The following INO80 variants were observed in gnomAD, a reference collection of about 807,000 sequenced individuals.
INO80 encodes chromatin-remodeling ATPase INO80.
In INO80, 20 loss-of-function variants were observed where a neutral mutation model predicts 203.4. That is an observed-to-expected ratio of 0.10 (90% CI 0.07 to 0.14). The LOEUF (loss-of-function observed/expected upper bound fraction) is 0.14, where lower values mean the gene tolerates loss of function less well. INO80 is among the 10% of genes least tolerant of loss of function. The pLI is 1.00. For missense variants in INO80, 1,419 were observed against 1,914.4 expected, an observed-to-expected ratio of 0.74 and a Z score of 4.83; for synonymous variants, 726 against 685.2, an observed-to-expected ratio of 1.06 and a Z score of -0.93.
At chr15:41,050,201 G>A (rs970471626) in intron 19 of INO80, 99 bp from the exon 20 acceptor site, 1 of 765,860 alleles carries the variant, frequency 1.3e-6, no homozygotes, top group Admixed American at 2.5e-5. Flanking sequence ...TATTATGATT[G>A]AGAATAAACA....
intron 28 of INO80, chr15:41,004,875 T>C (rs2044014930): frequency 6.6e-6 from 1 of 152,174 alleles, no homozygotes; most frequent in Admixed American, 6.5e-5. Flanking sequence ...AACAAACTAA[T>C]AACTTTAAGT....
rs369652643 is a variant in INO80 at position 41,031,626 on chromosome 15, GAGGA to G, written c.2908-3894_2908-3891del. 8.9e-3 allele frequency among the ~76,000 whole-genome samples: 363 copies of G among 40,736 alleles called. 96 individuals are homozygous for G. The highest frequency in any genetic ancestry group is 0.029 in the African/African-American group (267 of 9,218). 26.7% of individuals were successfully genotyped at this position (40,736 alleles called of 152,430 possible). Reference sequence around the variant, plus strand: ...GGGAGGAAGGGAGGAGGGAGGAAGGGAGGAAGGGAGGAAGGGAGGAAGGGAGGGA... The same window carrying G: ...GGGAGGAAGGGAGGAGGGAGGAAGGGAGGGAGGAAGGGAGGAAGGGAGGGA... On this transcript the variant is annotated intron_variant, in intron 24 of 35. Transcript: ENST00000648947.
intron 24 of INO80, among the ~76,000 whole-genome samples, chr15:41,037,851 G>C (rs1201884841): frequency 6.6e-6 from 1 of 151,356 alleles, no homozygotes; most frequent in East Asian, 2.0e-4. Context: ...GCTGAGGCAG[G>C]AGAATCACTT....
intron 11 of INO80, among the ~76,000 whole-genome samples, chr15:41,072,961 A>G (rs2140600645): frequency 6.6e-6 from 1 of 151,918 alleles, no homozygotes; most frequent in East Asian, 1.9e-4. Context: ...TTTGTATTTT[A>G]GTAGAGATGG....
At chr15:41,015,329 A>C (rs927260600) in intron 27 of INO80, among the ~76,000 whole-genome samples, 10 of 152,228 alleles carry the variant, frequency 6.6e-5, no homozygotes, top group African/African-American at 2.4e-4. Context: ...AAATAGGACT[A>C]GAAATCCATA....
chr15:41,067,005 T>C (rs544977197), intron 14 of INO80, among the ~76,000 whole-genome samples: 3 of 152,284 alleles, frequency 2.0e-5, no homozygotes, highest in African/African-American at 7.2e-5. Context: ...TAATATCACA[T>C]TGCCATCTAT....
chr15:41,044,835 A>G, intron 24 of INO80, 69 bp downstream of exon 24: 2 of 1,458,116 alleles, frequency 1.4e-6, no homozygotes, highest in East Asian at 2.3e-5. Context: ...CTTTACTATT[A>G]TTTTTACTTA....
intron 19 of INO80, among the ~76,000 whole-genome samples, chr15:41,051,776 G>T (rs1315667362): frequency 1.3e-5 from 2 of 152,104 alleles, no homozygotes; most frequent in Non-Finnish European, 2.9e-5. Flanking sequence ...AACCAACATG[G>T]TGAAACCTCA....
At chr15:40,989,566 A>T (rs1342983104) in intron 29 of INO80, among the ~76,000 whole-genome samples, 1 of 152,156 alleles carries the variant, frequency 6.6e-6, no homozygotes. Flanking sequence ...CCAGGCCCTC[A>T]CAACCTACAT....
At chr15:41,106,087 C>T (rs1253632233) in intron 1 of INO80, among the ~76,000 whole-genome samples, 1 of 152,000 alleles carries the variant, frequency 6.6e-6, no homozygotes, top group East Asian at 1.9e-4. Flanking sequence ...GGGAGACCCA[C>T]CTCTCTATAA....
At chr15:41,040,035 A>T (rs1252813483) in intron 24 of INO80, among the ~76,000 whole-genome samples, 1 of 152,180 alleles carries the variant, frequency 6.6e-6, no homozygotes, top group Admixed American at 6.6e-5. Flanking sequence ...TAGACTGCTA[A>T]AAAGAGGTGA....
chr15:41,095,069 T>C (rs1596324203), intron 4 of INO80, among the ~76,000 whole-genome samples: 1 of 149,986 alleles, frequency 6.7e-6, no homozygotes, highest in African/African-American at 2.4e-5. Flanking sequence ...CTGGGTGCGG[T>C]GGCTCACGCC....
In INO80 at chr15:41,104,516, G is replaced by A. The variant is rs557237212; in HGVS notation, c.-43-8163C>T. Among the ~76,000 whole-genome samples the A allele has an allele frequency of 6.6e-5, 10 of 151,998 alleles. No individual in the cohort carries two copies. In the South Asian group the frequency reaches 1.7e-3, roughly 25 times the overall value. ...TGGGCTGATTGCTTTGTACTCTCTA[G>A]TTACTGCCAGGCCCTTATTTCTTTT... On this transcript the variant is annotated intron_variant, in intron 1 of 35. Coordinates refer to ENST00000648947, the MANE Select transcript of INO80 (RefSeq NM_017553.3).
At chr15:41,074,673 C>T in intron 9 of INO80, 108 bp from the exon 10 acceptor site, 1 of 739,450 alleles carries the variant, frequency 1.4e-6, no homozygotes, top group African/African-American at 1.8e-5. Context: ...CAACTGTTTA[C>T]TTTTAAAAAT....
chr15:41,023,804 AAACAAAAAAAAAC>A (rs1051421605), intron 25 of INO80, among the ~76,000 whole-genome samples: 9 of 148,776 alleles, frequency 6.0e-5, no homozygotes, highest in African/African-American at 2.0e-4. Context: ...CGAAAAAAAG[AAACAAAAAAAAAC>A]AACAAAAAAA....
intron 14 of INO80, among the ~76,000 whole-genome samples, chr15:41,068,684 C>T (rs1185274300): frequency 6.6e-6 from 1 of 151,616 alleles, no homozygotes; most frequent in Non-Finnish European, 1.5e-5. Context: ...ATGGTGAAAC[C>T]CTCTCTCTAT....
chr15:41,090,073 C>A lies in INO80; in HGVS notation c.537+1954G>T, dbSNP rs370233163. Among the ~76,000 whole-genome samples the A allele has an allele frequency of 3.3e-5, 5 of 152,230 alleles. No individual in the cohort carries two copies. In the South Asian group the frequency reaches 1.0e-3, roughly 32 times the overall value. On this transcript the variant is annotated intron_variant, in intron 5 of 35. Transcript: ENST00000648947. ...AAAATAGCCAAAAAGTAGAAATATG[C>A]TAATCATAGTTCATGAACTGGACAA...
chr15:41,115,418 A>T (rs1267379763), intron 1 of INO80, among the ~76,000 whole-genome samples: 1 of 152,196 alleles, frequency 6.6e-6, no homozygotes, highest in Non-Finnish European at 1.5e-5. Flanking sequence ...GGTGTCATCT[A>T]GACACTCCCA....
chr15:41,093,074 A>G (rs2045668192), intron 4 of INO80, among the ~76,000 whole-genome samples: 1 of 152,156 alleles, frequency 6.6e-6, no homozygotes, highest in Admixed American at 6.6e-5. Flanking sequence ...GAAGAGGCAC[A>G]TCAATACAGA....
Sources: gnomAD v4.1 joint callset for allele counts (sites outside exome capture counted in the v4.1 genomes callset) on GRCh38, gnomAD v4.1.1 for gene constraint, MANE v1.5 for transcripts, NCBI Gene and HGNC (gene_info 2026-07-23, HGNC 2026-07-21) for gene names.